LRRC49: variants seen among roughly 807,000 people sequenced by gnomAD.
LRRC49 encodes leucine rich repeat containing 49, also known as leucine-rich repeat-containing protein 49.
A neutral mutation model predicts 83.3 loss-of-function variants in LRRC49; 50 were observed. The ratio of observed to expected loss-of-function variants is 0.60; its 90% CI spans 0.48 to 0.76. The LOEUF is 0.76. LRRC49 is among the 30% of genes least tolerant of loss of function. The probability of loss-of-function intolerance (pLI) is 0.00; values close to 1 mark genes in which losing one functional copy is unlikely to be tolerated. For synonymous variants in LRRC49, 286 were observed against 283.3 expected (o/e 1.01, Z -0.10); for missense variants, 704 against 809.1 (o/e 0.87, Z 1.58).
intron 11 of LRRC49, among the ~76,000 whole-genome samples, chr15:71,000,219 T>G (rs1396430717): frequency 2.0e-5 from 3 of 152,232 alleles, no homozygotes; most frequent in Admixed American, 6.5e-5. Flanking sequence ...ATTTTGTTTT[T>G]GGGGTTTTTT....
At chr15:70,872,223 G>C (rs1327760181) in intron 1 of LRRC49, among the ~76,000 whole-genome samples, 1 of 152,214 alleles carries the variant, frequency 6.6e-6, no homozygotes, top group Non-Finnish European at 1.5e-5. Flanking sequence ...GCGAAACCCC[G>C]TCTCCACCAA....
chr15:70,858,087 G>C (rs934850562), intron 1 of LRRC49, among the ~76,000 whole-genome samples: 1 of 152,206 alleles, frequency 6.6e-6, no homozygotes, highest in African/African-American at 2.4e-5. Flanking sequence ...GCCTGAATGG[G>C]AAACACAAAC....
rs550754929 is a variant in LRRC49, at chr15:70,940,454, T to G, written c.773+3632T>G. Among the ~76,000 whole-genome samples, 26 of 144,354 alleles carry G rather than the reference T, an allele frequency of 1.8e-4. No individual in the cohort carries two copies. In the East Asian group the frequency reaches 2.1e-3, roughly 12 times the overall value. 94.7% of individuals were successfully genotyped at this position (144,354 alleles called of 152,430 possible). On this transcript the variant is annotated intron_variant, in intron 8 of 15. Transcript: ENST00000260382. ...TTGTGTGTGTTTTTAGCAGAGACGG[T>G]GTTTCACTGTGTTAGCCTGACCTCG... is the stretch of plus-strand genomic sequence containing the variant.
At chr15:71,000,975 C>G (rs1046667739) in intron 11 of LRRC49, among the ~76,000 whole-genome samples, 2 of 152,088 alleles carry the variant, frequency 1.3e-5, no homozygotes, top group African/African-American at 4.8e-5. Flanking sequence ...CAGTCTCGTA[C>G]ATGCCTTTGA....
At chr15:70,946,553 G>C (rs1391627503) in intron 8 of LRRC49, among the ~76,000 whole-genome samples, 3 of 152,068 alleles carry the variant, frequency 2.0e-5, no homozygotes, top group Non-Finnish European at 4.4e-5. Context: ...CAATGAACAT[G>C]GGAGTACAGA....
chr15:71,052,141 A>C lies in LRRC49; in HGVS notation c.*2529A>C, dbSNP rs1415448424. ...GATCAAGTGAGGGTCCTATGTTGTA[A>C]GTGAGTGGTGATCTAGGGAACAAAT... On this transcript the variant is annotated 3_prime_UTR_variant, in exon 16 of 16. Transcript: ENST00000260382. 1 of 152,180 alleles carries C rather than the reference A, an allele frequency of 6.6e-6. No homozygotes were observed. The highest frequency in any genetic ancestry group is 1.5e-5 in the Non-Finnish European group (1 of 68,048). 9.4% of individuals were successfully genotyped at this position (152,180 alleles called of 1,614,324 possible). A position where few individuals can be genotyped will look rare whatever the true frequency, so the allele number is the denominator to read the frequency against.
chr15:70,982,857 CCTAT>C (rs1239030668), intron 10 of LRRC49, among the ~76,000 whole-genome samples: 60 of 152,280 alleles, frequency 3.9e-4, no homozygotes, highest in Non-Finnish European at 5.3e-4. Flanking sequence ...ACTTTTTATT[CCTAT>C]CTAATGCCAT....
chr15:71,004,415 C>T (rs528043900), intron 11 of LRRC49, among the ~76,000 whole-genome samples: 139 of 152,100 alleles, frequency 9.1e-4, no homozygotes, highest in Non-Finnish European at 1.4e-3. Flanking sequence ...TGTGGGAGGC[C>T]GAGGCAGGCA....
chr15:70,970,987 G>A (rs1303826697), intron 9 of LRRC49, among the ~76,000 whole-genome samples: 1 of 152,030 alleles, frequency 6.6e-6, no homozygotes, highest in Non-Finnish European at 1.5e-5. Context: ...ATCCCCTTCA[G>A]TTCTGCTCTG....
At chr15:70,995,983 T>C (rs941020763) in intron 11 of LRRC49, among the ~76,000 whole-genome samples, 4 of 152,124 alleles carry the variant, frequency 2.6e-5, no homozygotes, top group African/African-American at 9.7e-5. Flanking sequence ...ATGGAGAGGA[T>C]GTAAAAAGTA....
intron 1 of LRRC49, among the ~76,000 whole-genome samples, chr15:70,871,996 C>A (rs1284907007): frequency 6.6e-6 from 1 of 152,058 alleles, no homozygotes; most frequent in Admixed American, 6.6e-5. Flanking sequence ...GACGGGATGG[C>A]GGCCGGGCAG....
chr15:70,908,862 G>C (rs763208772), intron 5 of LRRC49, among the ~76,000 whole-genome samples: 3 of 152,202 alleles, frequency 2.0e-5, no homozygotes, highest in Non-Finnish European at 4.4e-5. Flanking sequence ...AAGTTAAACT[G>C]TAAACTAAAT....
chr15:70,997,266 A>G (rs937163626), intron 11 of LRRC49, among the ~76,000 whole-genome samples: 2 of 152,248 alleles, frequency 1.3e-5, no homozygotes, highest in Admixed American at 6.5e-5. Flanking sequence ...GGATTAACCA[A>G]TTTTTCAATA....
At chr15:71,032,180 G>C (rs1302696897) in intron 14 of LRRC49, among the ~76,000 whole-genome samples, 1 of 152,218 alleles carries the variant, frequency 6.6e-6, no homozygotes, top group Non-Finnish European at 1.5e-5. Flanking sequence ...GAAAAGTGTA[G>C]TAACCCAGCG....
chr15:70,877,269 T>C (rs774546828), intron 2 of LRRC49, among the ~76,000 whole-genome samples: 1 of 152,216 alleles, frequency 6.6e-6, no homozygotes, highest in Admixed American at 6.5e-5. Flanking sequence ...ATACAATGTA[T>C]GTATTAATGT....
chr15:70,975,445 C>T (rs963979841), intron 9 of LRRC49, among the ~76,000 whole-genome samples: 1 of 152,152 alleles, frequency 6.6e-6, no homozygotes, highest in Non-Finnish European at 1.5e-5. Flanking sequence ...GTAATCCTAG[C>T]ACTTTGGGAG....
chr15:70,959,219 G>A (rs575787023), intron 8 of LRRC49, among the ~76,000 whole-genome samples: 1 of 152,244 alleles, frequency 6.6e-6, no homozygotes, highest in East Asian at 1.9e-4. Context: ...CCGGCTGGAT[G>A]CGGTGGCTCA....
intron 13 of LRRC49, among the ~76,000 whole-genome samples, chr15:71,010,758 A>C (rs1248019858): frequency 1.3e-5 from 2 of 152,020 alleles, no homozygotes; most frequent in African/African-American, 4.8e-5. Flanking sequence ...TTTGGAAGGA[A>C]AGAGAGAAGC....
chr15:70,904,511 G>A, intron 4 of LRRC49, 41 bp from the exon 5 acceptor site: 1 of 1,327,876 alleles, frequency 7.5e-7, no homozygotes, highest in Admixed American at 1.7e-5. Flanking sequence ...GAGGTAAGTG[G>A]CTGAATCATA....
Sources: allele counts gnomAD v4.1 joint callset (sites outside exome capture counted in the v4.1 genomes callset), GRCh38; gene constraint gnomAD v4.1.1; transcripts MANE v1.5; gene names NCBI Gene and HGNC (gene_info 2026-07-23, HGNC 2026-07-21).